CSTF3: variants seen among roughly 807,000 people sequenced by gnomAD.
The protein encoded by CSTF3 is CF-1 77 kDa subunit.
In CSTF3, 29 loss-of-function variants were observed where a neutral mutation model predicts 105.8. The observed-to-expected ratio is 0.27, with a 90% CI of 0.20 to 0.37. CSTF3 has a LOEUF of 0.37. CSTF3 is among the 10% of genes least tolerant of loss of function. The pLI is 1.00. For synonymous variants in CSTF3, 252 were observed against 281.9 expected (o/e 0.89, Z 1.06); for missense variants, 357 against 879.3 (o/e 0.41, Z 7.51).
chr11:33,114,391 T>A (rs1267257049), intron 3 of CSTF3, among the ~76,000 whole-genome samples: 1 of 152,142 alleles, frequency 6.6e-6, no homozygotes, highest in East Asian at 1.9e-4. Context: ...ACCAGAGAAA[T>A]AAAACTCTAT....
chr11:33,148,860 GTTTTT>G (rs551371475), intron 1 of CSTF3, among the ~76,000 whole-genome samples: 2 of 133,686 alleles, frequency 1.5e-5, no homozygotes, highest in East Asian at 2.2e-4. Context: ...CTGTTGCTGT[GTTTTT>G]TTTTTTTTTT....
intron 1 of CSTF3, among the ~76,000 whole-genome samples, chr11:33,155,991 G>A (rs1190217234): frequency 6.6e-6 from 1 of 152,192 alleles, no homozygotes; most frequent in African/African-American, 2.4e-5. Flanking sequence ...CTGAAATAAT[G>A]TTGAAGGAAT....
Position 33,084,907 on chromosome 11 carries a change from C to G in CSTF3, c.*180G>C, listed in dbSNP as rs1361242876. 1.4e-6 allele frequency: 1 copy of G among 695,862 alleles called. No homozygotes were observed. The highest frequency in any genetic ancestry group is 1.8e-5 in the South Asian group (1 of 55,586). The allele number at this position is 695,862 out of a possible 1,614,324, so 43.1% of individuals were successfully genotyped here. A position where few individuals can be genotyped will look rare whatever the true frequency, so the allele number is the denominator to read the frequency against. The stretch of plus-strand genomic sequence containing the variant: ...ATTTTGCTTAGAGCATAGGTCTGTT[C>G]CGTATTCTAAAATTCACACAGGTTG... On this transcript the variant is annotated 3_prime_UTR_variant, in exon 21 of 21. Coordinates refer to ENST00000323959, the MANE Select transcript of CSTF3 (RefSeq NM_001326.3).
chr11:33,112,133 A>G (rs190837520), intron 3 of CSTF3, among the ~76,000 whole-genome samples: 6 of 152,200 alleles, frequency 3.9e-5, no homozygotes, highest in Non-Finnish European at 7.4e-5. Context: ...GCACACTTGT[A>G]ATTCCAGCTA....
intron 12 of CSTF3, 83 bp from the exon 13 acceptor site, chr11:33,098,847 A>G (rs928319477): frequency 4.8e-6 from 6 of 1,255,546 alleles, no homozygotes; most frequent in Non-Finnish European, 6.6e-6. Flanking sequence ...AAAGGCTATA[A>G]CCTCCCACCC....
At position 33,095,825 on chromosome 11, in the gene CSTF3, AATAAAT is replaced by A. The variant is rs1331461307; in HGVS notation, c.1375+475_1375+480del. Among the ~76,000 whole-genome samples the A allele has an allele frequency of 1.4e-3, 209 of 150,860 alleles. 1 individual carries two copies. Among genetic ancestry groups the A allele is most frequent in the Admixed American group, 4.5e-3 (69 of 15,166 alleles). On this transcript the variant is annotated intron_variant, in intron 15 of 20. Transcript: ENST00000323959. ...CGACAGCGAGACTCTGTCTCAAATA[AATAAAT>A]AAATAAATAAATAAATAAATAAATA...
chr11:33,135,144 C>T (rs1323699454), intron 3 of CSTF3, among the ~76,000 whole-genome samples: 1 of 152,020 alleles, frequency 6.6e-6, no homozygotes, highest in Non-Finnish European at 1.5e-5. Context: ...GTTTATGCAA[C>T]CAGAAAATCA....
intron 3 of CSTF3, among the ~76,000 whole-genome samples, chr11:33,109,618 G>A (rs1855360380): frequency 6.6e-6 from 1 of 152,058 alleles, no homozygotes; most frequent in African/African-American, 2.4e-5. Context: ...CTTTGTCAGG[G>A]CTATTCTGAG....
At chr11:33,131,621 C>A (rs1418891914) in intron 3 of CSTF3, among the ~76,000 whole-genome samples, 1 of 151,772 alleles carries the variant, frequency 6.6e-6, no homozygotes, top group Non-Finnish European at 1.5e-5. Context: ...CCGAGGCAGG[C>A]GGATCACGAG....
intron 3 of CSTF3, among the ~76,000 whole-genome samples, chr11:33,121,323 A>T (rs1475871580): frequency 2.6e-5 from 4 of 152,060 alleles, no homozygotes; most frequent in African/African-American, 9.7e-5. Context: ...GCTTCAGTCT[A>T]CGTACTTATC....
chr11:33,092,178 C>T (rs1855176062), intron 16 of CSTF3, 93 bp downstream of exon 16: 1 of 757,972 alleles, frequency 1.3e-6, no homozygotes, highest in South Asian at 2.6e-5. Flanking sequence ...TCTCTTGAAA[C>T]TCATACTCAA....
rs113266998 is a variant in CSTF3, at chr11:33,150,034, AAACAAC to A, written c.28-8054_28-8049del. 5.8e-3 allele frequency among the ~76,000 whole-genome samples: 864 copies of A among 148,402 alleles called. 9 individuals carry two copies. The highest frequency in any genetic ancestry group is 0.02 in the African/African-American group (809 of 40,080). ...ACTCCGTCTTGAAAACAAAACAAAC[AAACAAC>A]AACAACAACAACAACAAAACAAAAA... On this transcript the variant is annotated intron_variant, in intron 1 of 20. Coordinates refer to ENST00000323959, the MANE Select transcript of CSTF3 (RefSeq NM_001326.3).
At chr11:33,086,505 T>A (rs1023692808) in intron 18 of CSTF3, among the ~76,000 whole-genome samples, 1 of 152,088 alleles carries the variant, frequency 6.6e-6, no homozygotes, top group East Asian at 1.9e-4. Flanking sequence ...TGGCACCATC[T>A]TGGCTCACTG....
At chr11:33,115,138 TCTAAAGTATAGCA>T (rs1855418621) in intron 3 of CSTF3, among the ~76,000 whole-genome samples, 1 of 152,160 alleles carries the variant, frequency 6.6e-6, no homozygotes, top group Non-Finnish European at 1.5e-5. Flanking sequence ...TCTTTTCTAC[TCTAAAGTATAGCA>T]CATAGACTTT....
chr11:33,085,803 C>T (rs1295792859), intron 19 of CSTF3, 30 bp from the exon 20 acceptor site: 6 of 1,604,924 alleles, frequency 3.7e-6, no homozygotes, highest in Non-Finnish European at 5.1e-6. Context: ...ATTTTAATCC[C>T]AGTAATCTGA....
chr11:33,123,790 T>C (rs374607293), intron 3 of CSTF3, among the ~76,000 whole-genome samples: 2 of 152,086 alleles, frequency 1.3e-5, no homozygotes, highest in Non-Finnish European at 2.9e-5. Context: ...ATTCTGAACA[T>C]TGTCTCTGAG....
intron 3 of CSTF3, among the ~76,000 whole-genome samples, chr11:33,122,556 A>T (rs1855501631): frequency 6.6e-6 from 1 of 152,186 alleles, no homozygotes; most frequent in Non-Finnish European, 1.5e-5. Context: ...ATTAAGACTT[A>T]ATTAAAATGG....
intron 1 of CSTF3, among the ~76,000 whole-genome samples, chr11:33,142,376 T>C (rs1282402826): frequency 5.3e-5 from 8 of 152,184 alleles, no homozygotes; most frequent in South Asian, 4.1e-4. Context: ...GTAAGCTATA[T>C]GCAAATACAT....
intron 1 of CSTF3, among the ~76,000 whole-genome samples, chr11:33,143,027 G>C (rs1403341603): frequency 6.6e-6 from 1 of 152,128 alleles, no homozygotes; most frequent in African/African-American, 2.4e-5. Context: ...GACCAACTTT[G>C]AGAAACACTG....
Sources: gnomAD v4.1 joint callset for allele counts (sites outside exome capture counted in the v4.1 genomes callset) on GRCh38, gnomAD v4.1.1 for gene constraint, MANE v1.5 for transcripts, NCBI Gene and HGNC (gene_info 2026-07-23, HGNC 2026-07-21) for gene names.